The following ARHGAP22 variants were observed in gnomAD, a reference collection of about 807,000 sequenced individuals.
ARHGAP22 encodes the protein Rho GTPase activating protein 22, also known as rho GTPase-activating protein 22.
Under a neutral mutation model 59.1 loss-of-function variants are expected in ARHGAP22, and 48 were observed. The ratio of observed to expected loss-of-function variants is 0.81; its 90% CI spans 0.64 to 1.03. The LOEUF (loss-of-function observed/expected upper bound fraction) is 1.03, where lower values mean the gene tolerates loss of function less well. Among genes scored for constraint, ARHGAP22 ranks in the 50% least tolerant of loss-of-function variants. The probability of loss-of-function intolerance (pLI) is 0.00; values close to 1 mark genes in which losing one functional copy is unlikely to be tolerated. For missense variants in ARHGAP22, 1,015 were observed against 958.7 expected, an observed-to-expected ratio of 1.06 and a Z score of -0.78; for synonymous variants, 445 against 416.4, an observed-to-expected ratio of 1.07 and a Z score of -0.84.
At chr10:48,488,241 A>T (rs1046578263) in intron 3 of ARHGAP22, among the ~76,000 whole-genome samples, 6 of 152,308 alleles carry the variant, frequency 3.9e-5, no homozygotes, top group African/African-American at 1.4e-4. Flanking sequence ...AGGTCTTTTT[A>T]AAAAAATAAC....
At chr10:48,620,140 T>A (rs889031803) in intron 1 of ARHGAP22, among the ~76,000 whole-genome samples, 51 of 152,344 alleles carry the variant, frequency 3.3e-4, no homozygotes, top group African/African-American at 1.2e-3. Context: ...AATACAGCTT[T>A]CTGGGCCAAA....
intron 3 of ARHGAP22, 46 bp from the exon 4 acceptor site, chr10:48,479,810 G>C: frequency 6.7e-7 from 1 of 1,497,576 alleles, no homozygotes; most frequent in Non-Finnish European, 8.9e-7. Context: ...CCTGCCCGCA[G>C]CACACTCTCC....
intron 3 of ARHGAP22, among the ~76,000 whole-genome samples, chr10:48,541,694 C>T (rs1046776357): frequency 3.3e-5 from 5 of 152,076 alleles, no homozygotes; most frequent in African/African-American, 1.2e-4. Flanking sequence ...GGAGTATAGA[C>T]CATGTTATGC....
At position 48,497,153 on chromosome 10, in the gene ARHGAP22, T is replaced by C. The variant is rs572051047; in HGVS notation, c.323-17389A>G. Among the ~76,000 whole-genome samples the C allele has an allele frequency of 1.2e-4, 18 of 152,272 alleles. 1 individual carries two copies. The East Asian group carries it at 3.5e-3, about 29-fold the overall frequency. ...TGATCATGGGACCTGGACAATCCAC[T>C]GCCTGCACATACAGGGCTAGGGTCT... On this transcript the variant is annotated intron_variant, in intron 3 of 9. Transcript: ENST00000249601.
At chr10:48,578,333 T>A (rs909818381) in intron 2 of ARHGAP22, among the ~76,000 whole-genome samples, 2 of 152,210 alleles carry the variant, frequency 1.3e-5, no homozygotes, top group African/African-American at 2.4e-5. Flanking sequence ...TTTTCCTGCA[T>A]CCAGAATGCT....
chr10:48,479,844 C>T (rs2049120188), intron 3 of ARHGAP22, 80 bp from the exon 4 acceptor site: 4 of 1,377,884 alleles, frequency 2.9e-6, no homozygotes, highest in Non-Finnish European at 3.8e-6. Flanking sequence ...GTCAGCATTA[C>T]TCCCTGTGGG....
intron 1 of ARHGAP22, among the ~76,000 whole-genome samples, chr10:48,611,740 T>C (rs188075545): frequency 1.3e-4 from 20 of 151,902 alleles, no homozygotes; most frequent in Non-Finnish European, 2.6e-4. Flanking sequence ...CCCACTGTTC[T>C]GAGCAGATGC....
At chr10:48,501,529 G>A (rs983250946) in intron 3 of ARHGAP22, among the ~76,000 whole-genome samples, 3 of 152,166 alleles carry the variant, frequency 2.0e-5, no homozygotes, top group Non-Finnish European at 4.4e-5. Flanking sequence ...GCAGACCTTC[G>A]AGCTGTTGCT....
rs1460295074 is a variant in ARHGAP22 at position 48,479,682 on chromosome 10, G to A, written c.405C>T (p.Asp135=). The change falls in exon 4 of 10, where the codon GAC becomes GAT. Residue 135 remains aspartate (D), a synonymous_variant. Transcript: ENST00000249601. ...TGACTCGGCGGATGGCCTGCACCCA[G>A]TCCTCCATGTCACGCTGGGAGCTGG... is the stretch of plus-strand genomic sequence containing the variant. ...LMASSQRDME[D]WVQAIRRVIW... is the part of the protein sequence containing the mutation. The A allele has an allele frequency of 2.5e-6, 4 of 1,612,740 alleles. No individual in the cohort carries two copies. The South Asian group carries it at 4.4e-5, about 18-fold the overall frequency.
the ARHGAP22 span, chr10:48,431,281 A>G: frequency 1.9e-5 from 31 of 1,593,672 alleles, no homozygotes; most frequent in Non-Finnish European, 2.3e-5. Flanking sequence ...GTTGGTTACA[A>G]TATAAGCTTG....
intron 3 of ARHGAP22, among the ~76,000 whole-genome samples, chr10:48,481,026 G>A (rs1257679775): frequency 6.6e-6 from 1 of 152,254 alleles, no homozygotes; most frequent in Non-Finnish European, 1.5e-5. Flanking sequence ...CCAACGCTCA[G>A]GAGGGTGAGG....
chr10:48,553,593 C>T (rs914171206), intron 3 of ARHGAP22, among the ~76,000 whole-genome samples: 2 of 152,184 alleles, frequency 1.3e-5, no homozygotes, highest in Non-Finnish European at 1.5e-5. Context: ...GGTCTGACGA[C>T]ATTCCCTATC....
intron 1 of ARHGAP22, among the ~76,000 whole-genome samples, chr10:48,600,236 G>C (rs993100539): frequency 1.3e-5 from 2 of 152,182 alleles, no homozygotes; most frequent in Non-Finnish European, 2.9e-5. Context: ...TGGAAGGACT[G>C]TTTGTGGCCT....
chr10:48,499,593 G>A (rs980420028), intron 3 of ARHGAP22, among the ~76,000 whole-genome samples: 1 of 152,222 alleles, frequency 6.6e-6, no homozygotes, highest in Non-Finnish European at 1.5e-5. Context: ...CATTTCCCTG[G>A]AAGGGTTCAC....
At chr10:48,596,768 C>A (rs1381462762) in intron 1 of ARHGAP22, among the ~76,000 whole-genome samples, 1 of 152,218 alleles carries the variant, frequency 6.6e-6, no homozygotes, top group Non-Finnish European at 1.5e-5. Context: ...TTGGAAGAGA[C>A]CGTGCCCCCT....
chr10:48,505,991 G>A (rs531222935), intron 3 of ARHGAP22, among the ~76,000 whole-genome samples: 1 of 152,308 alleles, frequency 6.6e-6, no homozygotes, highest in East Asian at 1.9e-4. Flanking sequence ...CTATAGGCAT[G>A]TGAGAAACTT....
chr10:48,570,559 G>A (rs2058334852), intron 2 of ARHGAP22, among the ~76,000 whole-genome samples: 1 of 152,192 alleles, frequency 6.6e-6, no homozygotes, highest in Non-Finnish European at 1.5e-5. Flanking sequence ...TTTTTTCTGA[G>A]TGTAGACAGA....
chr10:48,567,474 G>C (rs903033441), intron 2 of ARHGAP22, among the ~76,000 whole-genome samples: 1 of 152,224 alleles, frequency 6.6e-6, no homozygotes, highest in Admixed American at 6.5e-5. Flanking sequence ...CTAGTGAACA[G>C]AATGCTTACC....
Position 48,450,252 on chromosome 10 carries a change from G to A in ARHGAP22, c.1868+9C>T. ...CCGTCACAGGAGGCTCCACGGGGCA[G>A]CAAGTTACCTTTTCACACTCCTCTC... On this transcript the variant is annotated intron_variant, in intron 9 of 9. Transcript: ENST00000249601. 2 of 1,607,332 alleles carry A rather than the reference G, an allele frequency of 1.2e-6. No individual in the cohort carries two copies. The highest frequency in any genetic ancestry group is 1.7e-6 in the Non-Finnish European group (2 of 1,177,466).
Sources: allele counts gnomAD v4.1 joint callset (sites outside exome capture counted in the v4.1 genomes callset), GRCh38; gene constraint gnomAD v4.1.1; transcripts MANE v1.5; gene names NCBI Gene and HGNC (gene_info 2026-07-23, HGNC 2026-07-21).